Variants in CALN1 observed in about 807,000 individuals in gnomAD.
The protein encoded by CALN1 is calneuron 1, also known as calcium-binding protein 8.
In CALN1, 17 loss-of-function variants were observed where a neutral mutation model predicts 30.6. The ratio of observed to expected loss-of-function variants is 0.56; its 90% CI spans 0.38 to 0.83. The LOEUF (loss-of-function observed/expected upper bound fraction) is 0.83, where lower values mean the gene tolerates loss of function less well. Ranked by LOEUF, CALN1 falls within the 40% of genes least tolerant of loss-of-function variation. CALN1 has a pLI of 0.00. For missense variants in CALN1, 291 were observed against 354.9 expected (o/e 0.82, Z 1.45); for synonymous variants, 156 against 131.4 (o/e 1.19, Z -1.28).
chr7:71,812,941 T>TATTA (rs1562802150), intron 5 of CALN1, among the ~76,000 whole-genome samples: 1 of 146,810 alleles, frequency 6.8e-6, no homozygotes, highest in Non-Finnish European at 1.5e-5. Context: ...TTATTATTAT[T>TATTA]ATTATTATTA....
chr7:72,287,507 C>T (rs920181459), intron 2 of CALN1, among the ~76,000 whole-genome samples: 17 of 136,344 alleles, frequency 1.2e-4, no homozygotes, highest in South Asian at 2.3e-4. Context: ...AGTGCAGTGG[C>T]GCAATCTTGG....
intron 4 of CALN1, among the ~76,000 whole-genome samples, chr7:72,074,996 C>A (rs140780997): frequency 1.3e-5 from 2 of 152,180 alleles, no homozygotes; most frequent in African/African-American, 4.8e-5. Flanking sequence ...TACTTCTAGC[C>A]ACATTGGAGA....
chr7:72,474,261 T>C, the CALN1 span, among the ~76,000 whole-genome samples: 1 of 152,192 alleles, frequency 6.6e-6, no homozygotes, highest in African/African-American at 2.4e-5. Flanking sequence ...ACAATGCTCC[T>C]GTGTGGCATT....
At chr7:71,825,761 G>A (rs1416835564) in intron 5 of CALN1, among the ~76,000 whole-genome samples, 1 of 152,042 alleles carries the variant, frequency 6.6e-6, no homozygotes, top group East Asian at 1.9e-4. Flanking sequence ...GGCTGGGCAT[G>A]GTGGCTCATG....
chr7:72,172,734 T>C (rs952475425), intron 3 of CALN1, among the ~76,000 whole-genome samples: 1 of 152,198 alleles, frequency 6.6e-6, no homozygotes, highest in African/African-American at 2.4e-5. Context: ...CTTGACAAAA[T>C]TTAACAACTA....
intron 5 of CALN1, among the ~76,000 whole-genome samples, chr7:71,810,838 T>TA (rs1052499080): frequency 6.6e-6 from 1 of 151,804 alleles, no homozygotes; most frequent in African/African-American, 2.4e-5. Flanking sequence ...CATACGTCTC[T>TA]AAAATTTTTA....
rs187297843 is a variant in CALN1, at chr7:71,791,747, C to G, written c.659-3845G>C. On this transcript the variant is annotated intron_variant, in intron 6 of 6. Coordinates refer to ENST00000395275, the MANE Select transcript of CALN1 (RefSeq NM_031468.4). Reference sequence around the variant, plus strand: ...CATTGAGGCCGGGCACGGTGGCTCACGCCTGTAATCTCAGCACTTTGGGAG... The same window carrying G: ...CATTGAGGCCGGGCACGGTGGCTCAGGCCTGTAATCTCAGCACTTTGGGAG... Among the ~76,000 whole-genome samples, 241 of 152,260 alleles carry G rather than the reference C, an allele frequency of 1.6e-3. 1 individual carries two copies. Among genetic ancestry groups the G allele is most frequent in the Middle Eastern group, 6.8e-3 (2 of 294 alleles).
rs1432868348 is a variant in CALN1 at position 72,326,378 on chromosome 7, A to G, written c.120-47568T>C. ...TGCAACATCTCTGTGACCTGGCTACATCTCTGTTTCTTCATCTGTAAAATG... is the reference window on the plus strand; with the variant it reads ...TGCAACATCTCTGTGACCTGGCTACGTCTCTGTTTCTTCATCTGTAAAATG... On this transcript the variant is annotated intron_variant, in intron 2 of 6. Transcript: ENST00000395275. 3.9e-5 allele frequency among the ~76,000 whole-genome samples: 6 copies of G among 152,222 alleles called. No individual in the cohort carries two copies. In the East Asian group the frequency reaches 1.2e-3, roughly 29 times the overall value.
At chr7:71,978,856 T>C (rs776291896) in intron 5 of CALN1, among the ~76,000 whole-genome samples, 1 of 152,244 alleles carries the variant, frequency 6.6e-6, no homozygotes, top group Non-Finnish European at 1.5e-5. Context: ...AAAAGACTTA[T>C]TGAGCAACTA....
intron 5 of CALN1, among the ~76,000 whole-genome samples, chr7:71,960,464 G>A (rs1258411626): frequency 2.0e-5 from 3 of 152,198 alleles, no homozygotes; most frequent in Non-Finnish European, 4.4e-5. Flanking sequence ...ACTGAGGATA[G>A]TAGCTTCCAC....
chr7:71,849,436 ATT>A (rs3063933), intron 5 of CALN1, among the ~76,000 whole-genome samples: 9 of 140,206 alleles, frequency 6.4e-5, no homozygotes, highest in Non-Finnish European at 7.7e-5. Flanking sequence ...GGATCTTCCT[ATT>A]TTTTTTTTTT....
At chr7:72,273,543 T>G (rs1249715889) in intron 3 of CALN1, among the ~76,000 whole-genome samples, 1 of 149,984 alleles carries the variant, frequency 6.7e-6, no homozygotes, top group Non-Finnish European at 1.5e-5. Flanking sequence ...GACAGGGTCT[T>G]TCTTTCTCAC....
At chr7:72,195,708 T>C (rs1414635829) in intron 3 of CALN1, among the ~76,000 whole-genome samples, 2 of 152,098 alleles carry the variant, frequency 1.3e-5, no homozygotes, top group African/African-American at 4.8e-5. Context: ...ATCAACCCAT[T>C]CTTGGTGGCT....
At chr7:71,980,187 CTTTTTT>C (rs60273576) in intron 5 of CALN1, among the ~76,000 whole-genome samples, 5 of 107,264 alleles carry the variant, frequency 4.7e-5, no homozygotes, top group African/African-American at 1.7e-4. Flanking sequence ...TCTTCTTTTT[CTTTTTT>C]TTTTTTTTTT....
rs13230929 is a variant in CALN1, at chr7:72,140,387, G to A, written c.245-34093C>T. 1.4e-5 allele frequency among the ~76,000 whole-genome samples: 2 copies of A among 145,644 alleles called. 1 individual carries two copies. The highest frequency in any genetic ancestry group is 3.0e-5 in the Non-Finnish European group (2 of 66,106). ...GGGAGGGAGGGAGGGAGGGAGGATG[G>A]AAGAAGCGAATGAAGGAAGCAAGCA... On this transcript the variant is annotated intron_variant, in intron 3 of 6. Coordinates refer to ENST00000395275, the MANE Select transcript of CALN1 (RefSeq NM_031468.4).
chr7:71,915,770 T>G (rs1197490004), intron 5 of CALN1, among the ~76,000 whole-genome samples: 1 of 151,752 alleles, frequency 6.6e-6, no homozygotes, highest in East Asian at 1.9e-4. Context: ...AAACCCAATC[T>G]GCCCAAGAGG....
chr7:71,848,512 T>G (rs111791316), intron 5 of CALN1, among the ~76,000 whole-genome samples: 236 of 152,280 alleles, frequency 1.5e-3, no homozygotes, highest in African/African-American at 5.1e-3. Flanking sequence ...AGAAAATGTC[T>G]GCACTGTAAA....
At chr7:71,854,343 A>G (rs181981752) in intron 5 of CALN1, among the ~76,000 whole-genome samples, 88 of 152,206 alleles carry the variant, frequency 5.8e-4, no homozygotes, top group Non-Finnish European at 9.7e-4. Flanking sequence ...CTCTAAAAAA[A>G]TAACAATAAA....
chr7:72,344,506 C>G (rs1802524640), intron 2 of CALN1, among the ~76,000 whole-genome samples: 2 of 149,438 alleles, frequency 1.3e-5, no homozygotes, highest in Non-Finnish European at 3.0e-5. Context: ...AATATAATTC[C>G]AATGCTTTCT....
Sources: allele counts gnomAD v4.1 joint callset (sites outside exome capture counted in the v4.1 genomes callset), GRCh38; gene constraint gnomAD v4.1.1; transcripts MANE v1.5; gene names NCBI Gene and HGNC (gene_info 2026-07-23, HGNC 2026-07-21).